Variants in ADAMTSL1 observed in about 807,000 individuals in gnomAD.
ADAMTSL1 encodes ADAMTS like 1.
A neutral mutation model predicts 201.8 loss-of-function variants in ADAMTSL1; 126 were observed. That is an observed-to-expected ratio of 0.62 (90% CI 0.54 to 0.72). The LOEUF is 0.72. ADAMTSL1 is among the 30% of genes least tolerant of loss of function. The pLI is 0.00. For missense variants in ADAMTSL1, 2,679 were observed against 2,277.8 expected, an observed-to-expected ratio of 1.18 and a Z score of -3.59; for synonymous variants, 1,121 against 903.4, an observed-to-expected ratio of 1.24 and a Z score of -4.32.
intron 2 of ADAMTSL1, among the ~76,000 whole-genome samples, chr9:18,418,463 ACATCCCAAGGAATCTAC>A (rs1252088984): frequency 2.6e-5 from 4 of 152,236 alleles, no homozygotes; most frequent in Non-Finnish European, 5.9e-5. Flanking sequence ...TCTATGTAGA[ACATCCCAAGGAATCTAC>A]CAAAAACTAC....
intron 10 of ADAMTSL1, among the ~76,000 whole-genome samples, chr9:18,676,378 A>G (rs535986174): frequency 1.3e-5 from 2 of 152,114 alleles, no homozygotes; most frequent in African/African-American, 4.8e-5. Flanking sequence ...TATTTCAGAT[A>G]AATTATAATT....
chr9:18,388,642 G>C (rs1837907855), intron 2 of ADAMTSL1, among the ~76,000 whole-genome samples: 1 of 150,646 alleles, frequency 6.6e-6, no homozygotes, highest in Admixed American at 6.6e-5. Flanking sequence ...TTCCTTTCTA[G>C]ACTTTTCATT....
chr9:18,455,009 T>C (rs1820548328), intron 2 of ADAMTSL1, among the ~76,000 whole-genome samples: 1 of 152,136 alleles, frequency 6.6e-6, no homozygotes, highest in African/African-American at 2.4e-5. Context: ...CCTTGCACAA[T>C]TCATAGGGTG....
intron 2 of ADAMTSL1, among the ~76,000 whole-genome samples, chr9:18,224,030 T>C (rs1479753764): frequency 4.6e-5 from 7 of 152,130 alleles, no homozygotes; most frequent in Non-Finnish European, 8.8e-5. Flanking sequence ...TCTTTTTTTT[T>C]CTTCTTTTAT....
chr9:18,024,442 G>A (rs974784497), intron 1 of ADAMTSL1, among the ~76,000 whole-genome samples: 2 of 151,848 alleles, frequency 1.3e-5, no homozygotes, highest in Admixed American at 6.6e-5. Context: ...GTACTCCCTA[G>A]TGTCTATTGT....
intron 1 of ADAMTSL1, among the ~76,000 whole-genome samples, chr9:17,944,161 A>G (rs1451987062): frequency 2.0e-5 from 3 of 152,216 alleles, no homozygotes; most frequent in African/African-American, 4.8e-5. Context: ...TCATTCTTAT[A>G]CACAAATAAC....
At chr9:18,581,289 C>A (rs1823073938) in intron 4 of ADAMTSL1, among the ~76,000 whole-genome samples, 1 of 152,104 alleles carries the variant, frequency 6.6e-6, no homozygotes, top group Non-Finnish European at 1.5e-5. Flanking sequence ...ATTGAGCCCA[C>A]CCTAACGGAT....
intron 1 of ADAMTSL1, among the ~76,000 whole-genome samples, chr9:18,065,118 G>T (rs1350520553): frequency 6.6e-6 from 1 of 151,736 alleles, no homozygotes; most frequent in East Asian, 1.9e-4. Flanking sequence ...TCTGCAGCTG[G>T]GAAAGTAAAT....
At chr9:18,862,030 C>G (rs1027419279) in intron 23 of ADAMTSL1, among the ~76,000 whole-genome samples, 5 of 152,180 alleles carry the variant, frequency 3.3e-5, no homozygotes, top group African/African-American at 1.2e-4. Context: ...AGCTCCACCC[C>G]CACTGCTCAC....
chr9:18,622,003 T>A (rs954367316), intron 4 of ADAMTSL1, among the ~76,000 whole-genome samples: 4 of 152,134 alleles, frequency 2.6e-5, no homozygotes, highest in African/African-American at 9.7e-5. Flanking sequence ...TTCTCTCTCA[T>A]TCTCTTTCTT....
At chr9:18,259,751 G>A (rs948335567) in intron 2 of ADAMTSL1, among the ~76,000 whole-genome samples, 2 of 152,142 alleles carry the variant, frequency 1.3e-5, no homozygotes, top group South Asian at 4.1e-4. Context: ...GCGCTTGTAA[G>A]ATGAAATAAG....
chr9:18,684,878 T>C, intron 13 of ADAMTSL1, 78 bp downstream of exon 13: 1 of 1,527,760 alleles, frequency 6.5e-7, no homozygotes, highest in Non-Finnish European at 8.8e-7. Context: ...TGGTTGTAGC[T>C]TTCATGGGTT....
At chr9:18,900,982 G>A (rs1010198982) in intron 26 of ADAMTSL1, among the ~76,000 whole-genome samples, 1 of 152,018 alleles carries the variant, frequency 6.6e-6, no homozygotes, top group African/African-American at 2.4e-5. Flanking sequence ...AAAAACAAAA[G>A]AGAGTCTGGT....
At chr9:18,679,970 T>C (rs569994199) in intron 10 of ADAMTSL1, among the ~76,000 whole-genome samples, 3 of 152,328 alleles carry the variant, frequency 2.0e-5, no homozygotes, top group Non-Finnish European at 2.9e-5. Context: ...TGAAAATAAA[T>C]TTTATATATA....
At chr9:18,782,369 G>A (rs1175766227) in intron 19 of ADAMTSL1, among the ~76,000 whole-genome samples, 2 of 152,202 alleles carry the variant, frequency 1.3e-5, no homozygotes, top group African/African-American at 4.8e-5. Flanking sequence ...TGCATTTGGA[G>A]TTCTGCTCAA....
intron 2 of ADAMTSL1, among the ~76,000 whole-genome samples, chr9:18,443,900 G>C (rs996034806): frequency 1.3e-5 from 2 of 152,166 alleles, no homozygotes; most frequent in Non-Finnish European, 2.9e-5. Flanking sequence ...AAACCATAAA[G>C]TAGTAAACCA....
chr9:18,484,215 G>A (rs186704797), intron 1 of ADAMTSL1, among the ~76,000 whole-genome samples: 1 of 152,136 alleles, frequency 6.6e-6, no homozygotes, highest in African/African-American at 2.4e-5. Flanking sequence ...ATAGAATGTC[G>A]GTAAGGATTT....
rs12380455 is a variant in ADAMTSL1 at position 18,585,261 on chromosome 9, A to G, written c.474+10995A>G. On this transcript the variant is annotated intron_variant, in intron 4 of 28. Coordinates refer to ENST00000380548, the MANE Select transcript of ADAMTSL1 (RefSeq NM_001040272.6). The stretch of plus-strand genomic sequence containing the variant: ...AGAGTTTCTATGGCTTAATAAAAAA[A>G]CTTTTTGGAAAGTTCTATCTGTTTA... Among the ~76,000 whole-genome samples, 323 of 152,338 alleles carry G rather than the reference A, an allele frequency of 2.1e-3. 1 individual carries two copies. Among genetic ancestry groups the G allele is most frequent in the African/African-American group, 7.5e-3 (312 of 41,578 alleles).
intron 13 of ADAMTSL1, among the ~76,000 whole-genome samples, chr9:18,692,775 C>T (rs1831311289): frequency 6.6e-6 from 1 of 152,144 alleles, no homozygotes; most frequent in Non-Finnish European, 1.5e-5. Flanking sequence ...ATTTAAACTA[C>T]ATTCCAATAT....
Sources: gnomAD v4.1 joint callset for allele counts (sites outside exome capture counted in the v4.1 genomes callset) on GRCh38, gnomAD v4.1.1 for gene constraint, MANE v1.5 for transcripts, NCBI Gene and HGNC (gene_info 2026-07-23, HGNC 2026-07-21) for gene names.